IVD: variants seen among roughly 807,000 people sequenced by gnomAD.
IVD encodes the protein isovaleryl-CoA dehydrogenase, also known as isovaleryl-CoA dehydrogenase, mitochondrial.
Under a neutral mutation model 51.3 loss-of-function variants are expected in IVD, and 31 were observed. The ratio of observed to expected loss-of-function variants is 0.60; its 90% CI spans 0.45 to 0.81. IVD has a LOEUF of 0.81. Ranked by LOEUF, IVD falls within the 40% of genes least tolerant of loss-of-function variation. The pLI is 0.00. For synonymous variants in IVD, 205 were observed against 219.4 expected (o/e 0.93, Z 0.58); for missense variants, 475 against 552.0 (o/e 0.86, Z 1.40).
chr15:40,409,529 C>G (rs1263296593), intron 3 of IVD, among the ~76,000 whole-genome samples: 1 of 152,194 alleles, frequency 6.6e-6, no homozygotes. Flanking sequence ...TGCCTTCAGG[C>G]TTTCCTTCCT....
rs1269931950 is a variant in IVD at position 40,419,719 on chromosome 15, G to GT, written c.*1456_*1457insT. 1.9e-5 allele frequency: 3 copies of GT among 156,238 alleles called. No individual in the cohort carries two copies. The highest frequency in any genetic ancestry group is 1.4e-5 in the Non-Finnish European group (1 of 70,514). The allele number at this position is 156,238 out of a possible 1,614,324, so 9.7% of individuals were successfully genotyped here. A position where few individuals can be genotyped will look rare whatever the true frequency, so the allele number is the denominator to read the frequency against. ...CAGCTACTCAGGAGGCTGAGGCAGAGAATTGCTTGAACCCGGGAGGCAGAG... is the reference window on the plus strand; with the variant it reads ...CAGCTACTCAGGAGGCTGAGGCAGAGTAATTGCTTGAACCCGGGAGGCAGAG... On this transcript the variant is annotated 3_prime_UTR_variant, in exon 12 of 12. Transcript: ENST00000487418.
chr15:40,408,116 T>C (rs943698773), intron 3 of IVD, 126 bp downstream of exon 3: 1 of 835,940 alleles, frequency 1.2e-6, no homozygotes, highest in East Asian at 2.6e-5. Context: ...CTTTTGGACC[T>C]GTGAAAGCAC....
Position 40,435,498 on chromosome 15 carries a change from C to A in IVD, c.863C>A (p.Ala288Glu), listed in dbSNP as rs531444558. 14 of 1,255,046 alleles carry A rather than the reference C, an allele frequency of 1.1e-5. No homozygotes were observed. In the East Asian group the frequency reaches 7.5e-4, roughly 68 times the overall value. 77.7% of individuals were successfully genotyped at this position (1,255,046 alleles called of 1,614,324 possible). ...ACGTCCCTGGAGCAGGTGAGCACTG[C>A]GAGGGAACTGAGATGCAAGATCCTC... Residue 288 changes from alanine (A) to glutamate (E), a missense_variant, in exon 9 of 9, where the codon GCG (alanine) becomes GAG (glutamate). Ala to Glu is a moderately radical substitution (Grantham distance 107, BLOSUM62 -1). Transcript: ENST00000473112.
At chr15:40,406,191 C>A in intron 1 of IVD, 1 of 1,532,244 alleles carries the variant, frequency 6.5e-7, no homozygotes, top group Non-Finnish European at 8.8e-7. Flanking sequence ...GATTTGAGAC[C>A]GTGGGACAGT....
chr15:40,425,966 A>AT (rs35191817), downstream of IVD, among the ~76,000 whole-genome samples: 3,191 of 140,574 alleles, frequency 0.023, 125 homozygotes, highest in African/African-American at 0.079. Context: ...CAGTCCGGCT[A>AT]TTTTTTTTTT....
chr15:40,416,775 G>A (rs1041504908), intron 11 of IVD, among the ~76,000 whole-genome samples: 1 of 152,302 alleles, frequency 6.6e-6, no homozygotes, highest in East Asian at 1.9e-4. Context: ...GGGACCTTCG[G>A]GCTCTTTCTG....
intron 7 of IVD, among the ~76,000 whole-genome samples, chr15:40,432,624 A>G (rs1428840927): frequency 6.6e-6 from 1 of 152,276 alleles, no homozygotes; most frequent in Non-Finnish European, 1.5e-5. Context: ...TAGAGAGGTC[A>G]GTGGCTGTGG....
At chr15:40,432,056 C>T (rs1369096489) in intron 7 of IVD, among the ~76,000 whole-genome samples, 1 of 151,874 alleles carries the variant, frequency 6.6e-6, no homozygotes, top group Non-Finnish European at 1.5e-5. Context: ...CTCCACCCCC[C>T]AGGTTCAAGC....
At chr15:40,407,557 TTG>T in intron 1 of IVD, 77 bp from the exon 2 acceptor site, 2 of 1,031,580 alleles carry the variant, frequency 1.9e-6, no homozygotes, top group East Asian at 2.4e-5. Flanking sequence ...GGGAAGTTAC[TTG>T]TGGCCTTTTC....
In IVD at chr15:40,418,493, G is replaced by C. The variant is rs553261385; in HGVS notation, c.*230G>C. On this transcript the variant is annotated 3_prime_UTR_variant, in exon 12 of 12. Transcript: ENST00000487418. Reference sequence around the variant, plus strand: ...TGTGTGATTTAAAATGGACTCAGCAGGAAGCATATTGTCTGGGGATTGTTG... The same window carrying C: ...TGTGTGATTTAAAATGGACTCAGCACGAAGCATATTGTCTGGGGATTGTTG... 2.9e-6 allele frequency: 4 copies of C among 1,365,672 alleles called. No homozygotes were observed. In the Admixed American group the frequency reaches 8.5e-5, roughly 29 times the overall value. The allele number at this position is 1,365,672 out of a possible 1,614,324, so 84.6% of individuals were successfully genotyped here.
intron 3 of IVD, among the ~76,000 whole-genome samples, chr15:40,409,911 T>A (rs563416055): frequency 5.3e-5 from 8 of 150,572 alleles, no homozygotes; most frequent in South Asian, 4.2e-4. Context: ...ATCTCGGCTC[T>A]CTGCAAGCTC....
chr15:40,418,452 G>C lies in IVD; in HGVS notation c.*189G>C. 2.0e-6 allele frequency: 3 copies of C among 1,479,148 alleles called. No individual in the cohort carries two copies. The South Asian group carries it at 3.8e-5, about 19-fold the overall frequency. The allele number at this position is 1,479,148 out of a possible 1,614,324, so 91.6% of individuals were successfully genotyped here. A position where few individuals can be genotyped will look rare whatever the true frequency, so the allele number is the denominator to read the frequency against. On this transcript the variant is annotated 3_prime_UTR_variant, in exon 12 of 12. Coordinates refer to ENST00000487418, the MANE Select transcript of IVD (RefSeq NM_002225.5). Reference sequence around the variant, plus strand: ...CATCATGGGCCTCGCAGCCGGGCCTGTGCCACGGCTAGTGTTGTGTGATTT... The same window carrying C: ...CATCATGGGCCTCGCAGCCGGGCCTCTGCCACGGCTAGTGTTGTGTGATTT...
rs746017260 is a variant in IVD, at chr15:40,410,671, G to A, written c.330G>A (p.Leu110=). The part of the protein sequence containing the change: ...GSGLGYLEHV[L]VMEEISRASG... ...GCCTGGGCTACCTGGAGCATGTGCT[G>A]GTGATGGAGGAGATATCCCGAGCTT... Residue 110 remains leucine, a synonymous_variant, in exon 4 of 12, where the codon CTG becomes CTA. Transcript: ENST00000487418. The A allele has an allele frequency of 6.2e-6, 10 of 1,614,136 alleles. No individual in the cohort carries two copies. The highest frequency in any genetic ancestry group is 8.5e-6 in the Non-Finnish European group (10 of 1,180,050).
chr15:40,422,578 C>G (rs1223846960), downstream of IVD, among the ~76,000 whole-genome samples: 1 of 92,758 alleles, frequency 1.1e-5, no homozygotes, highest in East Asian at 2.9e-4. Context: ...CCACCGCGCC[C>G]GGCCGACTTT....
chr15:40,435,536 A>T, exon 9 of IVD: 1 of 1,212,792 alleles, frequency 8.2e-7, no homozygotes, highest in Admixed American at 2.7e-5. Flanking sequence ...GCCTGAACTC[A>T]CACCCCGCGT....
At position 40,413,089 on chromosome 15, in the gene IVD, TAA is replaced by T; in HGVS notation, c.784+3_784+4del. 6.2e-7 allele frequency: 1 copy of T among 1,611,450 alleles called. No homozygotes were observed. The highest frequency in any genetic ancestry group is 8.5e-7 in the Non-Finnish European group (1 of 1,178,092). ...TCTTTGAAGACTGCAAGATTCCTGG[TAA>T]GTAGCACCGGGAATCGGGGAGCCCC... On this transcript the variant is annotated splice_donor_region_variant and intron_variant, in intron 7 of 11. Coordinates refer to ENST00000487418, the MANE Select transcript of IVD (RefSeq NM_002225.5).
At chr15:40,415,721 A>C (rs1891598916) in intron 9 of IVD, among the ~76,000 whole-genome samples, 1 of 152,218 alleles carries the variant, frequency 6.6e-6, no homozygotes, top group Admixed American at 6.5e-5. Flanking sequence ...GTAAGGTTGG[A>C]GAGCAAAGCG....
intron 3 of IVD, among the ~76,000 whole-genome samples, chr15:40,409,333 C>G (rs1376989805): frequency 6.6e-6 from 1 of 151,214 alleles, no homozygotes; most frequent in Non-Finnish European, 1.5e-5. Flanking sequence ...CCCAGGAGTT[C>G]AAGGCTGCAA....
At chr15:40,425,530 T>G (rs1892624242), downstream of IVD, among the ~76,000 whole-genome samples, 1 of 151,664 alleles carries the variant, frequency 6.6e-6, no homozygotes, top group Non-Finnish European at 1.5e-5. Flanking sequence ...TTTCTTGGTT[T>G]TTTTGTTTGT....
Sources: gnomAD v4.1 joint callset for allele counts (sites outside exome capture counted in the v4.1 genomes callset) on GRCh38, gnomAD v4.1.1 for gene constraint, MANE v1.5 for transcripts, NCBI Gene and HGNC (gene_info 2026-07-23, HGNC 2026-07-21) for gene names.